The following SMYD3 variants were observed in gnomAD, a reference collection of about 807,000 sequenced individuals.
SMYD3 encodes SET and MYND domain containing 3.
Under a neutral mutation model 57.7 loss-of-function variants are expected in SMYD3, and 36 were observed. The observed-to-expected ratio is 0.62, with a 90% CI of 0.48 to 0.82. SMYD3 has a LOEUF of 0.82. Ranked by LOEUF, SMYD3 falls within the 40% of genes least tolerant of loss-of-function variation. The pLI is 0.00. For missense variants in SMYD3, 515 were observed against 538.8 expected, an observed-to-expected ratio of 0.96 and a Z score of 0.44; for synonymous variants, 211 against 195.0, an observed-to-expected ratio of 1.08 and a Z score of -0.68.
chr1:246,048,550 A>G (rs1319694479), intron 5 of SMYD3, among the ~76,000 whole-genome samples: 1 of 152,168 alleles, frequency 6.6e-6, no homozygotes, highest in Admixed American at 6.5e-5. Context: ...ATTATGCAAA[A>G]AAACTGTATT....
intron 8 of SMYD3, among the ~76,000 whole-genome samples, chr1:245,883,333 A>C (rs1470353703): frequency 6.6e-6 from 1 of 152,202 alleles, no homozygotes; most frequent in Admixed American, 6.5e-5. Flanking sequence ...GACATACTCT[A>C]AATAAACTTG....
chr1:245,875,726 T>A (rs1398207084), intron 8 of SMYD3, among the ~76,000 whole-genome samples: 1 of 152,240 alleles, frequency 6.6e-6, no homozygotes, highest in Non-Finnish European at 1.5e-5. Context: ...TAGTTTTTGT[T>A]TTCATTTTGG....
chr1:246,446,367 C>G (rs752181148), intron 1 of SMYD3, among the ~76,000 whole-genome samples: 44 of 152,108 alleles, frequency 2.9e-4, no homozygotes, highest in Non-Finnish European at 4.4e-4. Flanking sequence ...TTCTATTTAT[C>G]TAGTAAGAAA....
chr1:246,340,121 T>C (rs1243993015), intron 2 of SMYD3, among the ~76,000 whole-genome samples: 1 of 152,138 alleles, frequency 6.6e-6, no homozygotes, highest in African/African-American at 2.4e-5. Flanking sequence ...CAAAATACAA[T>C]TCTATAATTA....
chr1:246,506,991 C>CCCCCCCAA, intron 1 of SMYD3, 63 bp downstream of exon 1: 1 of 815,392 alleles, frequency 1.2e-6, no homozygotes, highest in Non-Finnish European at 1.7e-6. Flanking sequence ...CGCCCGACGC[C>CCCCCCCAA]CCCCCCTCCC....
intron 8 of SMYD3, among the ~76,000 whole-genome samples, chr1:245,908,378 C>T (rs1459550668): frequency 6.6e-6 from 1 of 152,190 alleles, no homozygotes; most frequent in Non-Finnish European, 1.5e-5. Flanking sequence ...GCTAAATAGA[C>T]AGAGAGACCC....
rs2052281187 is a variant in SMYD3, at chr1:245,872,811, G to T, written c.814-8925C>A. Reference sequence around the variant, plus strand: ...TCAAGGTTCAATCTCCAGCTACACAGAATTGCCAGAAGGAAGGGGATATTC... The same window carrying T: ...TCAAGGTTCAATCTCCAGCTACACATAATTGCCAGAAGGAAGGGGATATTC... On this transcript the variant is annotated intron_variant, in intron 8 of 11. Transcript: ENST00000490107. Among the ~76,000 whole-genome samples the T allele has an allele frequency of 2.0e-5, 3 of 152,194 alleles. No individual in the cohort carries two copies. In the South Asian group the frequency reaches 6.2e-4, roughly 31 times the overall value.
At chr1:245,752,307 C>G (rs942680679) in intron 11 of SMYD3, among the ~76,000 whole-genome samples, 1 of 152,210 alleles carries the variant, frequency 6.6e-6, no homozygotes, top group Admixed American at 6.5e-5. Flanking sequence ...TGCTCGGCCT[C>G]GCCTCCCTCC....
chr1:245,810,485 T>C (rs1406161655), intron 10 of SMYD3, among the ~76,000 whole-genome samples: 1 of 152,072 alleles, frequency 6.6e-6, no homozygotes, highest in Non-Finnish European at 1.5e-5. Context: ...GGTCTGTGAG[T>C]AGTCAGGAAG....
At chr1:246,230,630 G>T (rs1033700661) in intron 5 of SMYD3, among the ~76,000 whole-genome samples, 5 of 152,106 alleles carry the variant, frequency 3.3e-5, no homozygotes, top group African/African-American at 1.2e-4. Context: ...TAGCTTGTTG[G>T]ACTTATTTTT....
chr1:246,387,321 A>G (rs1228190844), intron 1 of SMYD3, among the ~76,000 whole-genome samples: 1 of 152,188 alleles, frequency 6.6e-6, no homozygotes, highest in African/African-American at 2.4e-5. Flanking sequence ...TATAACATGG[A>G]GGCAACACTG....
chr1:245,906,797 A>G (rs2148629823), intron 8 of SMYD3, among the ~76,000 whole-genome samples: 1 of 152,318 alleles, frequency 6.6e-6, no homozygotes, highest in East Asian at 1.9e-4. Context: ...TACACAATGG[A>G]GTACTATTCA....
chr1:246,003,932 C>T (rs1245542877), intron 5 of SMYD3, among the ~76,000 whole-genome samples: 1 of 152,138 alleles, frequency 6.6e-6, no homozygotes, highest in Non-Finnish European at 1.5e-5. Flanking sequence ...GGGGCTCCAC[C>T]AATGTTCCTC....
At chr1:246,238,980 G>A (rs1423056964) in intron 5 of SMYD3, among the ~76,000 whole-genome samples, 3 of 149,250 alleles carry the variant, frequency 2.0e-5, no homozygotes, top group African/African-American at 4.9e-5. Context: ...GATGCCTGAT[G>A]AGCGTCACAC....
chr1:245,931,297 A>T (rs1327342992), intron 5 of SMYD3, among the ~76,000 whole-genome samples: 1 of 152,216 alleles, frequency 6.6e-6, no homozygotes, highest in Non-Finnish European at 1.5e-5. Context: ...GTGATAGACA[A>T]TGGTGACTCG....
At chr1:246,314,710 T>G (rs951324117) in intron 5 of SMYD3, among the ~76,000 whole-genome samples, 1 of 152,208 alleles carries the variant, frequency 6.6e-6, no homozygotes, top group African/African-American at 2.4e-5. Context: ...TGTTTATAAC[T>G]GAGTTATCTG....
intron 5 of SMYD3, among the ~76,000 whole-genome samples, chr1:246,015,339 T>C (rs974133394): frequency 6.6e-6 from 1 of 152,192 alleles, no homozygotes; most frequent in Admixed American, 6.5e-5. Flanking sequence ...GAAGTTCCCC[T>C]ATCCAACAAT....
chr1:245,749,498 A>T lies in SMYD3; in HGVS notation c.*65T>A, dbSNP rs762358118. 1.5e-5 allele frequency: 18 copies of T among 1,210,750 alleles called. No individual in the cohort carries two copies. Among genetic ancestry groups the T allele is most frequent in the Admixed American group, 5.1e-5 (3 of 58,600 alleles). The allele number at this position is 1,210,750 out of a possible 1,614,324, so 75.0% of individuals were successfully genotyped here. A position where few individuals can be genotyped will look rare whatever the true frequency, so the allele number is the denominator to read the frequency against. ...GGTTCACACAGCTAACAAAGCATAG[A>T]GTGTGTGACCTCAATAAGGCATTCA... is the stretch of plus-strand genomic sequence containing the variant. On this transcript the variant is annotated 3_prime_UTR_variant, in exon 12 of 12. Transcript: ENST00000490107.
At chr1:246,046,930 A>G (rs2059977533) in intron 5 of SMYD3, among the ~76,000 whole-genome samples, 1 of 151,946 alleles carries the variant, frequency 6.6e-6, no homozygotes, top group Non-Finnish European at 1.5e-5. Flanking sequence ...AATGCCACAC[A>G]GTATAAATTT....
Sources: allele counts gnomAD v4.1 joint callset (sites outside exome capture counted in the v4.1 genomes callset), GRCh38; gene constraint gnomAD v4.1.1; transcripts MANE v1.5; gene names NCBI Gene and HGNC (gene_info 2026-07-23, HGNC 2026-07-21).